CNTNAP4: variants seen among roughly 807,000 people sequenced by gnomAD.
CNTNAP4 encodes contactin associated protein family member 4.
A neutral mutation model predicts 148.4 loss-of-function variants in CNTNAP4; 98 were observed. The ratio of observed to expected loss-of-function variants is 0.66; its 90% CI spans 0.56 to 0.78. The LOEUF is 0.78. Ranked by LOEUF, CNTNAP4 falls within the 30% of genes least tolerant of loss-of-function variation. CNTNAP4 has a pLI of 0.00. For missense variants in CNTNAP4, 1,935 were observed against 1,565.6 expected, an observed-to-expected ratio of 1.24 and a Z score of -3.98; for synonymous variants, 730 against 565.1, an observed-to-expected ratio of 1.29 and a Z score of -4.14.
In CNTNAP4 at chr16:76,339,767, G is replaced by A. The variant is rs539290518; in HGVS notation, c.197-15551G>A. 1.0e-3 allele frequency among the ~76,000 whole-genome samples: 152 copies of A among 152,206 alleles called. 2 individuals are homozygous for A. Among genetic ancestry groups the A allele is most frequent in the Admixed American group, 5.2e-4 (8 of 15,272 alleles). ...AACAGCTCAACTAATGAGAAGCCTCGCTTTTATGTTTGAGCAGTTCACAAG... is the reference window on the plus strand; with the variant it reads ...AACAGCTCAACTAATGAGAAGCCTCACTTTTATGTTTGAGCAGTTCACAAG... On this transcript the variant is annotated intron_variant, in intron 2 of 23. Coordinates refer to ENST00000611870, the MANE Select transcript of CNTNAP4 (RefSeq NM_033401.5).
chr16:76,512,634 G>A (rs2083072133), intron 15 of CNTNAP4, among the ~76,000 whole-genome samples: 1 of 152,150 alleles, frequency 6.6e-6, no homozygotes, highest in Admixed American at 6.5e-5. Flanking sequence ...CATTCAGGAA[G>A]AGATGTGGAG....
chr16:76,374,889 C>G (rs2015255717), intron 3 of CNTNAP4, among the ~76,000 whole-genome samples: 1 of 151,938 alleles, frequency 6.6e-6, no homozygotes. Flanking sequence ...CTGCCTCTGC[C>G]TCTCAAGTAG....
At chr16:76,483,631 G>A (rs961342297) in intron 12 of CNTNAP4, among the ~76,000 whole-genome samples, 3 of 152,118 alleles carry the variant, frequency 2.0e-5, no homozygotes, top group Non-Finnish European at 2.9e-5. Context: ...TGGGAGTAGG[G>A]GGCGTTTTAA....
chr16:76,327,928 C>A (rs1249353421), intron 2 of CNTNAP4, among the ~76,000 whole-genome samples: 1 of 152,074 alleles, frequency 6.6e-6, no homozygotes, highest in African/African-American at 2.4e-5. Context: ...TTGTTTCACC[C>A]CTTCCTGCGT....
chr16:76,447,021 A>G (rs918263568), intron 4 of CNTNAP4, among the ~76,000 whole-genome samples: 4 of 152,182 alleles, frequency 2.6e-5, no homozygotes, highest in African/African-American at 9.7e-5. Context: ...ATAATATGAG[A>G]AAAAGGCCAG....
rs1040248411 is a variant in CNTNAP4 at position 76,455,299 on chromosome 16, C to T, written c.1333+2530C>T. Among the ~76,000 whole-genome samples, 6 of 152,140 alleles carry T rather than the reference C, an allele frequency of 3.9e-5. No homozygotes were observed. In the South Asian group the frequency reaches 6.2e-4, roughly 16 times the overall value. On this transcript the variant is annotated intron_variant, in intron 8 of 23. Coordinates refer to ENST00000611870, the MANE Select transcript of CNTNAP4 (RefSeq NM_033401.5). Reference sequence around the variant, plus strand: ...TTTAGCATTTCTGCTGCTGTTTTTGCGTAACAGTGAAAATCAGGCTTATAA... The same window carrying T: ...TTTAGCATTTCTGCTGCTGTTTTTGTGTAACAGTGAAAATCAGGCTTATAA...
At chr16:76,465,731 C>T (rs900227236) in intron 9 of CNTNAP4, among the ~76,000 whole-genome samples, 14 of 152,152 alleles carry the variant, frequency 9.2e-5, no homozygotes, top group Middle Eastern at 3.4e-3. Flanking sequence ...GAAATTTAAG[C>T]GCTGGAAATG....
At chr16:76,286,554 G>C (rs901978053) in intron 1 of CNTNAP4, among the ~76,000 whole-genome samples, 1 of 151,962 alleles carries the variant, frequency 6.6e-6, no homozygotes, top group East Asian at 1.9e-4. Flanking sequence ...TCCCACCGTG[G>C]GTGCTAGTCT....
chr16:76,552,165 A>C (rs2084978187), intron 21 of CNTNAP4, among the ~76,000 whole-genome samples: 2 of 152,096 alleles, frequency 1.3e-5, no homozygotes, highest in Admixed American at 1.3e-4. Context: ...TGAACTTCCA[A>C]ACACTTATAA....
chr16:76,420,284 T>TTCTGTAGAAGATATATTAGAA (rs1555550121), intron 3 of CNTNAP4, among the ~76,000 whole-genome samples: 1 of 70,462 alleles, frequency 1.4e-5, no homozygotes, highest in Non-Finnish European at 4.0e-5. Flanking sequence ...GAGATAAATA[T>TTCTGTAGAAGATATATTAGAA]TAATTTCCCT....
At chr16:76,332,864 T>G (rs986578457) in intron 2 of CNTNAP4, among the ~76,000 whole-genome samples, 3 of 152,134 alleles carry the variant, frequency 2.0e-5, no homozygotes, top group Non-Finnish European at 4.4e-5. Flanking sequence ...TTCAAGCAGT[T>G]TATTCTGGCA....
intron 3 of CNTNAP4, among the ~76,000 whole-genome samples, chr16:76,371,393 C>A (rs1021580649): frequency 6.6e-6 from 1 of 152,318 alleles, no homozygotes; most frequent in South Asian, 2.1e-4. Context: ...TCAAGCGACT[C>A]TCCTGCCTCA....
chr16:76,339,345 A>G (rs1332954594), intron 2 of CNTNAP4, among the ~76,000 whole-genome samples: 2 of 152,144 alleles, frequency 1.3e-5, no homozygotes, highest in African/African-American at 4.8e-5. Context: ...AAAAGCTACT[A>G]CGATAGGTTA....
chr16:76,329,875 A>G (rs1185198399), intron 2 of CNTNAP4, among the ~76,000 whole-genome samples: 1 of 152,216 alleles, frequency 6.6e-6, no homozygotes, highest in South Asian at 2.1e-4. Context: ...AAGGTCAGAG[A>G]CTGTGTGCCA....
At chr16:76,501,297 T>C (rs907085165) in intron 15 of CNTNAP4, among the ~76,000 whole-genome samples, 2 of 152,208 alleles carry the variant, frequency 1.3e-5, no homozygotes, top group African/African-American at 4.8e-5. Flanking sequence ...GAAGTTGTTT[T>C]ATACATCACG....
chr16:76,401,737 A>AT (rs975553826), intron 3 of CNTNAP4, among the ~76,000 whole-genome samples: 3 of 152,064 alleles, frequency 2.0e-5, no homozygotes, highest in African/African-American at 7.2e-5. Flanking sequence ...TTTATTGAGG[A>AT]TTTTTTAACT....
At chr16:76,552,469 A>G (rs1345766382) in intron 21 of CNTNAP4, among the ~76,000 whole-genome samples, 1 of 152,220 alleles carries the variant, frequency 6.6e-6, no homozygotes, top group Non-Finnish European at 1.5e-5. Context: ...AGCAAGGAGT[A>G]TGTATAATAT....
At chr16:76,528,144 C>A (rs887420483) in intron 17 of CNTNAP4, among the ~76,000 whole-genome samples, 8 of 152,116 alleles carry the variant, frequency 5.3e-5, no homozygotes, top group Admixed American at 2.0e-4. Flanking sequence ...TAACACTTTA[C>A]CTGCAAATAA....
At chr16:76,289,284 C>T (rs543493787) in intron 1 of CNTNAP4, among the ~76,000 whole-genome samples, 1 of 152,298 alleles carries the variant, frequency 6.6e-6, no homozygotes, top group East Asian at 1.9e-4. Context: ...GAAAATTACT[C>T]TCCACATTAT....
Sources: gnomAD v4.1 joint callset for allele counts (sites outside exome capture counted in the v4.1 genomes callset) on GRCh38, gnomAD v4.1.1 for gene constraint, MANE v1.5 for transcripts, NCBI Gene and HGNC (gene_info 2026-07-23, HGNC 2026-07-21) for gene names.